Variants in AGAP4 observed in about 807,000 individuals in gnomAD.
The protein encoded by AGAP4 is ArfGAP with GTPase domain, ankyrin repeat and PH domain 4.
Under a neutral mutation model 60.7 loss-of-function variants are expected in AGAP4, and 13 were observed. The observed-to-expected ratio is 0.21, with a 90% CI of 0.14 to 0.34. AGAP4 has a LOEUF of 0.34. AGAP4 is among the 10% of genes least tolerant of loss of function. The pLI is 1.00. For synonymous variants in AGAP4, 70 were observed against 339.0 expected (o/e 0.21, Z 8.72); for missense variants, 169 against 884.0 (o/e 0.19, Z 10.26).
At chr10:45,834,505 C>T (rs1262746337) in intron 4 of AGAP4, among the ~76,000 whole-genome samples, 1 of 126,194 alleles carries the variant, frequency 7.9e-6, no homozygotes, top group Non-Finnish European at 1.6e-5. Context: ...GAAACCCCGT[C>T]TCTACTAAAA....
chr10:45,831,441 A>G lies in AGAP4; in HGVS notation c.498-12T>C. 3 of 1,588,466 alleles carry G rather than the reference A, an allele frequency of 1.9e-6. No homozygotes were observed. Among genetic ancestry groups the G allele is most frequent in the Non-Finnish European group, 2.6e-6 (3 of 1,171,848 alleles). The stretch of plus-strand genomic sequence containing the variant: ...TCTCCAAGGTCACACTGTGGAAGGA[A>G]AAAAATTCATAACAATAGATGTTAA... On this transcript the variant is annotated splice_polypyrimidine_tract_variant and intron_variant, in intron 5 of 7. Coordinates refer to ENST00000616763, the MANE Select transcript of AGAP4 (RefSeq NM_001276343.3).
upstream of AGAP4, among the ~76,000 whole-genome samples, chr10:45,849,916 A>G (rs1190513390): frequency 8.0e-4 from 120 of 150,588 alleles, 4 homozygotes; most frequent in South Asian, 0.024. Flanking sequence ...CCAGATTCGT[A>G]TATTTTTAAA....
chr10:45,851,445 G>T (rs1322875134), upstream of AGAP4, among the ~76,000 whole-genome samples: 1 of 152,060 alleles, frequency 6.6e-6, no homozygotes, highest in Non-Finnish European at 1.5e-5. Flanking sequence ...CAGGAGGGCA[G>T]GAAAGCCACA....
At chr10:45,847,983 T>G (rs1554899811), upstream of AGAP4, 1 of 1,019,176 alleles carries the variant, frequency 9.8e-7, no homozygotes, top group African/African-American at 1.7e-5. Flanking sequence ...AGTTCATTAC[T>G]TGAAGCCATC....
At chr10:45,841,753 A>G (rs2058922492) in intron 3 of AGAP4, 66 bp from the exon 4 acceptor site, 3 of 778,006 alleles carry the variant, frequency 3.9e-6, no homozygotes, top group African/African-American at 1.8e-5. Context: ...AGTAGTTGTT[A>G]ACATCTTACT....
chr10:45,850,142 T>G (rs2059065736), upstream of AGAP4, among the ~76,000 whole-genome samples: 2 of 151,994 alleles, frequency 1.3e-5, no homozygotes, highest in South Asian at 4.2e-4. Context: ...TTGCTCAGGT[T>G]GATCTCGAAC....
intron 4 of AGAP4, among the ~76,000 whole-genome samples, chr10:45,837,621 G>A (rs1332876321): frequency 1.3e-5 from 2 of 151,988 alleles, no homozygotes; most frequent in African/African-American, 2.4e-5. Flanking sequence ...AGTGAAGAAG[G>A]TAAACCCTAT....
intron 6 of AGAP4, among the ~76,000 whole-genome samples, chr10:45,829,942 A>G (rs2058704712): frequency 1.3e-5 from 2 of 148,300 alleles, no homozygotes; most frequent in African/African-American, 4.9e-5. Flanking sequence ...CTAATGCATG[A>G]TATTATAAAT....
chr10:45,832,458 C>T (rs1406670942), intron 5 of AGAP4, among the ~76,000 whole-genome samples: 5 of 148,494 alleles, frequency 3.4e-5, no homozygotes, highest in Non-Finnish European at 7.5e-5. Flanking sequence ...TCTGCCTCAT[C>T]TTCCACATGA....
chr10:45,844,622 A>G (rs1388773650), intron 2 of AGAP4: 1 of 438,966 alleles, frequency 2.3e-6, no homozygotes, highest in East Asian at 3.6e-5. Context: ...CAGGTCAGGA[A>G]GTTGAGGCCA....
rs1436790238 is a variant in AGAP4, at chr10:45,844,318, C to T, written c.361+8G>A. On this transcript the variant is annotated splice_region_variant and intron_variant, in intron 3 of 7. Transcript: ENST00000616763. ...TTTCTCTTGGTGGAAAAAACAATGTCGTCTCACCATCTGTTTGAGAGTTCC... is the reference window on the plus strand; with the variant it reads ...TTTCTCTTGGTGGAAAAAACAATGTTGTCTCACCATCTGTTTGAGAGTTCC... 30 of 1,593,850 alleles carry T rather than the reference C, an allele frequency of 1.9e-5. No individual in the cohort carries two copies. The highest frequency in any genetic ancestry group is 6.7e-5 in the East Asian group (3 of 44,800).
At chr10:45,849,687 C>T (rs1460546812), upstream of AGAP4, among the ~76,000 whole-genome samples, 14 of 150,790 alleles carry the variant, frequency 9.3e-5, no homozygotes, top group Non-Finnish European at 1.5e-4. Flanking sequence ...GTTGCCCAGG[C>T]AGGAGTGCAA....
chr10:45,853,371 T>C (rs2059107013), intron 1 of AGAP4, among the ~76,000 whole-genome samples: 1 of 151,420 alleles, frequency 6.6e-6, no homozygotes, highest in Non-Finnish European at 1.5e-5. Flanking sequence ...CTTCCATTGT[T>C]TAGACCTTGG....
intron 4 of AGAP4, among the ~76,000 whole-genome samples, chr10:45,836,766 GT>G (rs1554897909): frequency 9.1e-6 from 1 of 110,074 alleles, no homozygotes; most frequent in Admixed American, 9.1e-5. Flanking sequence ...GTGATTTTTT[GT>G]TTTTAATTCT....
chr10:45,838,670 C>G (rs1433471762), intron 4 of AGAP4, among the ~76,000 whole-genome samples: 1 of 150,956 alleles, frequency 6.6e-6, no homozygotes, highest in Non-Finnish European at 1.5e-5. Context: ...CTCCTGAGCT[C>G]AAGCGATCCT....
At chr10:45,848,084 A>G, upstream of AGAP4, 1 of 989,926 alleles carries the variant, frequency 1.0e-6, no homozygotes, top group African/African-American at 1.8e-5. Flanking sequence ...AAATATAGAT[A>G]CACCTGAATT....
chr10:45,835,547 C>G (rs2058803779), intron 4 of AGAP4, among the ~76,000 whole-genome samples: 1 of 39,928 alleles, frequency 2.5e-5, no homozygotes, highest in Non-Finnish European at 5.3e-5. Context: ...TAGAATACTG[C>G]TTTTCTCTTT....
upstream of AGAP4, among the ~76,000 whole-genome samples, chr10:45,848,567 G>A (rs1354944399): frequency 9.2e-5 from 14 of 151,842 alleles, no homozygotes; most frequent in African/African-American, 3.2e-4. Flanking sequence ...AGATTTTGCA[G>A]AAGTTGTTGA....
At chr10:45,848,033 TC>T, upstream of AGAP4, 1 of 953,992 alleles carries the variant, frequency 1.0e-6, no homozygotes, top group Non-Finnish European at 1.2e-6. Context: ...GTAGAGTGGG[TC>T]CAATTAGCAA....
Sources: gnomAD v4.1 joint callset for allele counts (sites outside exome capture counted in the v4.1 genomes callset) on GRCh38, gnomAD v4.1.1 for gene constraint, MANE v1.5 for transcripts, NCBI Gene and HGNC (gene_info 2026-07-23, HGNC 2026-07-21) for gene names.